The following BZW1 variants were observed in gnomAD, a reference collection of about 807,000 sequenced individuals.
BZW1 encodes basic leucine zipper and W2 domains 1.
Under a neutral mutation model 54.1 loss-of-function variants are expected in BZW1, and 3 were observed. The ratio of observed to expected loss-of-function variants is 0.06; its 90% CI spans 0.03 to 0.14. BZW1 has a LOEUF of 0.14. Ranked by LOEUF, BZW1 falls within the 10% of genes least tolerant of loss-of-function variation. The probability of loss-of-function intolerance (pLI) is 1.00; values close to 1 mark genes in which losing one functional copy is unlikely to be tolerated. For synonymous variants in BZW1, 152 were observed against 162.7 expected, an observed-to-expected ratio of 0.93 and a Z score of 0.50; for missense variants, 206 against 491.7, an observed-to-expected ratio of 0.42 and a Z score of 5.50.
rs922491696 is a variant in BZW1, at chr2:200,826,333, A to C, written c.*4155A>C. On this transcript the variant is annotated 3_prime_UTR_variant, in exon 12 of 12. Coordinates refer to ENST00000409600, the MANE Select transcript of BZW1 (RefSeq NM_001207067.2). ...ATCATCCTTTCATCTTTATGCTAGG[A>C]GTATAGTCTCAGTTCTTAATGAGTT... 1 of 142,444 alleles carries C rather than the reference A, an allele frequency of 7.0e-6. No individual in the cohort carries two copies. Among genetic ancestry groups the C allele is most frequent in the Non-Finnish European group, 1.5e-5 (1 of 66,348 alleles). 8.8% of individuals were successfully genotyped at this position (142,444 alleles called of 1,614,324 possible). A position where few individuals can be genotyped will look rare whatever the true frequency, so the allele number is the denominator to read the frequency against.
At position 200,826,484 on chromosome 2, in the gene BZW1, G is replaced by T. The variant is rs1186584506; in HGVS notation, c.*4306G>T. Reference sequence around the variant, plus strand: ...CTGTCGCCCAGGCGGGAGTGCAGTGGCACAATCTCGGCTCACTGCAAGCTC... The same window carrying T: ...CTGTCGCCCAGGCGGGAGTGCAGTGTCACAATCTCGGCTCACTGCAAGCTC... On this transcript the variant is annotated 3_prime_UTR_variant, in exon 12 of 12. Transcript: ENST00000409600. The T allele has an allele frequency of 1.5e-5, 2 of 136,710 alleles. No homozygotes were observed. The highest frequency in any genetic ancestry group is 3.0e-5 in the Non-Finnish European group (2 of 66,064). 8.5% of individuals were successfully genotyped at this position (136,710 alleles called of 1,614,324 possible). A position where few individuals can be genotyped will look rare whatever the true frequency, so the allele number is the denominator to read the frequency against.
intron 11 of BZW1, among the ~76,000 whole-genome samples, chr2:200,821,693 C>A (rs936962517): frequency 2.6e-5 from 4 of 152,092 alleles, no homozygotes; most frequent in Non-Finnish European, 5.9e-5. Flanking sequence ...TTGCACCCAG[C>A]CAAATGTTGG....
rs1053959499 is a variant in BZW1 at position 200,811,930 on chromosome 2, C to T, written c.-71C>T. ...GCGTTAGTTCCGGTCGCAGAGGAGACACCGCCGCAGTTGCCGGTACATCGG... is the reference window on the plus strand; with the variant it reads ...GCGTTAGTTCCGGTCGCAGAGGAGATACCGCCGCAGTTGCCGGTACATCGG... On this transcript the variant is annotated 5_prime_UTR_variant, in exon 1 of 12. Coordinates refer to ENST00000409600, the MANE Select transcript of BZW1 (RefSeq NM_001207067.2). The T allele has an allele frequency of 1.2e-5, 3 of 257,254 alleles. No homozygotes were observed. The highest frequency in any genetic ancestry group is 2.2e-5 in the African/African-American group (1 of 45,054). The allele number at this position is 257,254 out of a possible 1,614,324, so 15.9% of individuals were successfully genotyped here.
chr2:200,817,719 A>G (rs1050902461), intron 6 of BZW1, among the ~76,000 whole-genome samples: 2 of 152,154 alleles, frequency 1.3e-5, no homozygotes, highest in African/African-American at 2.4e-5. Context: ...AGTCTTGTCA[A>G]GTGTAGAGAC....
rs867235467 is a variant in BZW1, at chr2:200,818,144, C to T, written c.648+61C>T. Reference sequence around the variant, plus strand: ...AAGGATGTAAATGAGAGAAATTTCTCATTTTTAAGACTGTGAAAAGAAAGT... The same window carrying T: ...AAGGATGTAAATGAGAGAAATTTCTTATTTTTAAGACTGTGAAAAGAAAGT... On this transcript the variant is annotated intron_variant, in intron 7 of 11. Coordinates refer to ENST00000409600, the MANE Select transcript of BZW1 (RefSeq NM_001207067.2). 3.3e-5 allele frequency: 50 copies of T among 1,511,780 alleles called. 1 individual carries two copies. The South Asian group carries it at 6.2e-4, about 19-fold the overall frequency. 93.6% of individuals were successfully genotyped at this position (1,511,780 alleles called of 1,614,324 possible). A position where few individuals can be genotyped will look rare whatever the true frequency, so the allele number is the denominator to read the frequency against.
At chr2:200,820,202 G>A (rs1575058439) in intron 10 of BZW1, 82 bp downstream of exon 10, 2 of 1,223,486 alleles carry the variant, frequency 1.6e-6, no homozygotes, top group East Asian at 5.4e-5. Flanking sequence ...TGAGTTATCT[G>A]GACATCAGCT....
chr2:200,814,757 A>G (rs1217183777), intron 2 of BZW1, among the ~76,000 whole-genome samples: 3 of 152,204 alleles, frequency 2.0e-5, no homozygotes, highest in East Asian at 1.9e-4. Flanking sequence ...CTGAACTACT[A>G]CACAATATAG....
In BZW1 at chr2:200,826,961, A is replaced by G. The variant is rs2038718315; in HGVS notation, c.*4783A>G. The G allele has an allele frequency of 6.6e-6, 1 of 152,000 alleles. No individual in the cohort carries two copies. Among genetic ancestry groups the G allele is most frequent in the Non-Finnish European group, 1.5e-5 (1 of 68,004 alleles). 9.4% of individuals were successfully genotyped at this position (152,000 alleles called of 1,614,324 possible). ...ACAGCTTTTTTTTTTTTAATCTGAA[A>G]TCCTGAAGGCTATGCTTAAAAGTTA... On this transcript the variant is annotated 3_prime_UTR_variant, in exon 12 of 12. Transcript: ENST00000409600.
Sources: allele counts gnomAD v4.1 joint callset (sites outside exome capture counted in the v4.1 genomes callset), GRCh38; gene constraint gnomAD v4.1.1; transcripts MANE v1.5; gene names NCBI Gene and HGNC (gene_info 2026-07-23, HGNC 2026-07-21).